The following ST3GAL2 variants were observed in gnomAD, a reference collection of about 807,000 sequenced individuals.
The protein encoded by ST3GAL2 is CMP-N-acetylneuraminate-beta-galactosamide-alpha-2,3-sialyltransferase 2.
Under a neutral mutation model 37.5 loss-of-function variants are expected in ST3GAL2, and 16 were observed. That is an observed-to-expected ratio of 0.43 (90% CI 0.29 to 0.65). The LOEUF is 0.65. Among genes scored for constraint, ST3GAL2 ranks in the 30% least tolerant of loss-of-function variants. The pLI is 0.17. For synonymous variants in ST3GAL2, 238 were observed against 202.9 expected (o/e 1.17, Z -1.47); for missense variants, 383 against 487.8 (o/e 0.79, Z 2.02).
chr16:70,407,295 C>T (rs751104456), intron 1 of ST3GAL2, among the ~76,000 whole-genome samples: 1 of 152,114 alleles, frequency 6.6e-6, no homozygotes, highest in Non-Finnish European at 1.5e-5. Context: ...CCCGTGCCAC[C>T]ACGCCCAGCT....
chr16:70,411,779 G>C (rs1230197207), intron 1 of ST3GAL2, among the ~76,000 whole-genome samples: 2 of 152,168 alleles, frequency 1.3e-5, no homozygotes, highest in African/African-American at 4.8e-5. Context: ...CGGATCACCT[G>C]AGGTTGGGAG....
chr16:70,416,074 CT>C (rs2047675186), intron 1 of ST3GAL2, among the ~76,000 whole-genome samples: 1 of 152,166 alleles, frequency 6.6e-6, no homozygotes, highest in Admixed American at 6.6e-5. Flanking sequence ...CCGAGCCCAG[CT>C]TCCAAGATTC....
chr16:70,429,543 C>G (rs1331095748), intron 1 of ST3GAL2, among the ~76,000 whole-genome samples: 2 of 140,844 alleles, frequency 1.4e-5, no homozygotes, highest in Non-Finnish European at 3.0e-5. Context: ...GAGCCGAGAT[C>G]GCGCCACTGC....
intron 3 of ST3GAL2, among the ~76,000 whole-genome samples, chr16:70,392,616 G>A (rs1314056584): frequency 6.6e-6 from 1 of 152,206 alleles, no homozygotes; most frequent in Non-Finnish European, 1.5e-5. Flanking sequence ...GTGGTCCACA[G>A]GGCTCAGAGG....
chr16:70,411,972 C>T (rs2047641542), intron 1 of ST3GAL2, among the ~76,000 whole-genome samples: 2 of 148,522 alleles, frequency 1.3e-5, no homozygotes, highest in African/African-American at 2.5e-5. Flanking sequence ...CCAGCCTGGG[C>T]AACAAGAGCG....
rs2047417408 is a variant in ST3GAL2 at position 70,383,083 on chromosome 16, G to A, written c.759+107C>T. ...AGGGTCAGGCATCTCGGCAGATGGGGACCCTGAGGTTCTGCAGGGGAAATG... is the reference window on the plus strand; with the variant it reads ...AGGGTCAGGCATCTCGGCAGATGGGAACCCTGAGGTTCTGCAGGGGAAATG... On this transcript the variant is annotated intron_variant, in intron 5 of 6. Transcript: ENST00000342907. 12 of 1,575,988 alleles carry A rather than the reference G, an allele frequency of 7.6e-6. No individual in the cohort carries two copies. In the South Asian group the frequency reaches 1.0e-4, roughly 13 times the overall value.
intron 1 of ST3GAL2, among the ~76,000 whole-genome samples, chr16:70,427,563 TC>T (rs2047760291): frequency 6.6e-6 from 1 of 151,614 alleles, no homozygotes; most frequent in South Asian, 2.1e-4. Flanking sequence ...GGTCTCGATC[TC>T]CTGACCTCGT....
At chr16:70,382,763 T>C in intron 6 of ST3GAL2, 42 bp downstream of exon 6, 1 of 1,613,062 alleles carries the variant, frequency 6.2e-7, no homozygotes, top group Middle Eastern at 1.7e-4. Flanking sequence ...TGCACTCCTC[T>C]GTTCCATGGG....
At chr16:70,425,281 G>A (rs1019948909) in intron 1 of ST3GAL2, among the ~76,000 whole-genome samples, 3 of 152,202 alleles carry the variant, frequency 2.0e-5, no homozygotes, top group Admixed American at 6.5e-5. Context: ...GGTCACCATG[G>A]TGAAAGCCTG....
chr16:70,410,272 A>G (rs1413684538), intron 1 of ST3GAL2, among the ~76,000 whole-genome samples: 2 of 24,116 alleles, frequency 8.3e-5, no homozygotes, highest in African/African-American at 8.8e-4. Context: ...TTTTTTTGAG[A>G]CGGAGTCTCA....
At chr16:70,411,486 T>C (rs573902619) in intron 1 of ST3GAL2, among the ~76,000 whole-genome samples, 1 of 152,150 alleles carries the variant, frequency 6.6e-6, no homozygotes, top group Admixed American at 6.5e-5. Flanking sequence ...TGATATAATG[T>C]CTGGAGCTAT....
intron 1 of ST3GAL2, among the ~76,000 whole-genome samples, chr16:70,410,508 C>G (rs1304999009): frequency 3.3e-5 from 5 of 151,840 alleles, no homozygotes; most frequent in African/African-American, 7.3e-5. Context: ...CTGCGTCGGC[C>G]TCCCAAAGTG....
rs1422268666 is a variant in ST3GAL2 at position 70,388,551 on chromosome 16, AG to A, written c.534-6del. The A allele has an allele frequency of 1.3e-6, 2 of 1,562,822 alleles. No homozygotes were observed. Among genetic ancestry groups the A allele is most frequent in the African/African-American group, 1.4e-5 (1 of 73,372 alleles). On this transcript the variant is annotated splice_region_variant and splice_polypyrimidine_tract_variant and intron_variant, in intron 3 of 6. Transcript: ENST00000342907. ...ACGGTTGGCGCCTGATTCATCCTGCAGGGACAAGAGGGTGACATGAGAATCA... is the reference window on the plus strand; with the variant it reads ...ACGGTTGGCGCCTGATTCATCCTGCAGGACAAGAGGGTGACATGAGAATCA...
At chr16:70,407,032 G>A (rs760990133) in intron 1 of ST3GAL2, among the ~76,000 whole-genome samples, 17 of 152,110 alleles carry the variant, frequency 1.1e-4, no homozygotes, top group Admixed American at 3.3e-4. Flanking sequence ...AGTGAGGAGT[G>A]TCCCTTTATT....
intron 1 of ST3GAL2, among the ~76,000 whole-genome samples, chr16:70,405,031 CA>C (rs370157293): frequency 0.028 from 1,956 of 69,848 alleles, 26 homozygotes; most frequent in African/African-American, 0.083. Context: ...GACTCCATCT[CA>C]AAAAAAAAAA....
At chr16:70,423,234 CGCGGTG>C (rs529856074) in intron 1 of ST3GAL2, among the ~76,000 whole-genome samples, 88 of 152,328 alleles carry the variant, frequency 5.8e-4, no homozygotes, top group African/African-American at 2.0e-3. Flanking sequence ...TTAGGCTGGG[CGCGGTG>C]GCTCACGCCT....
chr16:70,384,370 G>C (rs2047427380), intron 4 of ST3GAL2, among the ~76,000 whole-genome samples: 1 of 152,156 alleles, frequency 6.6e-6, no homozygotes, highest in African/African-American at 2.4e-5. Flanking sequence ...TCAGACAAAA[G>C]GACAAATACT....
chr16:70,381,958 C>T, intron 6 of ST3GAL2, 96 bp from the exon 7 acceptor site: 1 of 1,519,308 alleles, frequency 6.6e-7, no homozygotes, highest in Non-Finnish European at 8.9e-7. Context: ...GGACGGGAGG[C>T]CCCGGGGAGA....
chr16:70,430,361 A>G (rs2047781101), intron 1 of ST3GAL2, among the ~76,000 whole-genome samples: 1 of 152,180 alleles, frequency 6.6e-6, no homozygotes, highest in African/African-American at 2.4e-5. Flanking sequence ...AAGCCTACCC[A>G]CTGTTGCTTT....
Sources: allele counts gnomAD v4.1 joint callset (sites outside exome capture counted in the v4.1 genomes callset), GRCh38; gene constraint gnomAD v4.1.1; transcripts MANE v1.5; gene names NCBI Gene and HGNC (gene_info 2026-07-23, HGNC 2026-07-21).